Variants in LRRC7 observed in about 807,000 individuals in gnomAD.
LRRC7 encodes leucine-rich repeat-containing protein 7.
Under a neutral mutation model 175.7 loss-of-function variants are expected in LRRC7, and 23 were observed. That is an observed-to-expected ratio of 0.13 (90% CI 0.09 to 0.19). LRRC7 has a LOEUF of 0.19. Among genes scored for constraint, LRRC7 ranks in the 10% least tolerant of loss-of-function variants. The pLI is 1.00. For synonymous variants in LRRC7, 685 were observed against 680.9 expected (o/e 1.01, Z -0.09); for missense variants, 1,354 against 1,904.7 (o/e 0.71, Z 5.38).
At chr1:69,855,320 G>A (rs1207739053) in intron 7 of LRRC7, among the ~76,000 whole-genome samples, 1 of 152,162 alleles carries the variant, frequency 6.6e-6, no homozygotes, top group African/African-American at 2.4e-5. Flanking sequence ...ATTGTGGTAT[G>A]TTGTGTCTTT....
chr1:69,605,675 A>C (rs1024115488), intron 1 of LRRC7, among the ~76,000 whole-genome samples: 1 of 152,180 alleles, frequency 6.6e-6, no homozygotes, highest in Admixed American at 6.6e-5. Context: ...CAGGTACTGG[A>C]GCACAGTTCC....
At chr1:70,071,104 G>T (rs1314901990) in intron 23 of LRRC7, among the ~76,000 whole-genome samples, 1 of 152,322 alleles carries the variant, frequency 6.6e-6, no homozygotes, top group Non-Finnish European at 1.5e-5. Flanking sequence ...TTCAGCTGTA[G>T]TGGAGGAGTT....
intron 8 of LRRC7, among the ~76,000 whole-genome samples, chr1:69,938,348 A>G (rs976758494): frequency 4.6e-5 from 7 of 152,162 alleles, no homozygotes; most frequent in Middle Eastern, 3.4e-3. Flanking sequence ...GCACTCTACA[A>G]ATCACCATTT....
intron 7 of LRRC7, among the ~76,000 whole-genome samples, chr1:69,929,754 C>A (rs1647213491): frequency 6.6e-6 from 1 of 152,150 alleles, no homozygotes; most frequent in African/African-American, 2.4e-5. Context: ...TAAAACAAAT[C>A]ATTTCAGAAA....
chr1:69,798,995 G>C (rs1265051284), intron 4 of LRRC7, among the ~76,000 whole-genome samples: 1 of 150,986 alleles, frequency 6.6e-6, no homozygotes, highest in Non-Finnish European at 1.5e-5. Context: ...TTGTTGGCTA[G>C]TTTAGAGTCT....
intron 5 of LRRC7, among the ~76,000 whole-genome samples, chr1:69,828,790 G>C (rs933783886): frequency 3.3e-5 from 5 of 151,830 alleles, no homozygotes; most frequent in African/African-American, 1.2e-4. Flanking sequence ...TGCCTTTCCA[G>C]CTAGAATAGA....
chr1:69,758,175 G>T (rs756766959), intron 2 of LRRC7, among the ~76,000 whole-genome samples: 1 of 151,970 alleles, frequency 6.6e-6, no homozygotes, highest in Non-Finnish European at 1.5e-5. Flanking sequence ...AACATGAAAG[G>T]CATCAATCCT....
intron 1 of LRRC7, among the ~76,000 whole-genome samples, chr1:69,611,880 A>G (rs1297001525): frequency 6.6e-6 from 1 of 152,092 alleles, no homozygotes. Context: ...TCAGCTGGAA[A>G]TGTGCACATC....
intron 1 of LRRC7, among the ~76,000 whole-genome samples, chr1:69,674,598 A>C (rs932996098): frequency 1.3e-5 from 2 of 152,306 alleles, no homozygotes; most frequent in Non-Finnish European, 2.9e-5. Context: ...CTAGAACTTT[A>C]GTTAATTCAT....
chr1:70,098,698 C>A (rs1223008815), intron 25 of LRRC7, among the ~76,000 whole-genome samples: 3 of 151,782 alleles, frequency 2.0e-5, no homozygotes. Context: ...AACACCTCTA[C>A]GCAAATAAAC....
At chr1:69,574,779 A>G (rs372790657) in intron 1 of LRRC7, among the ~76,000 whole-genome samples, 40 of 152,264 alleles carry the variant, frequency 2.6e-4, no homozygotes, top group African/African-American at 9.6e-4. Flanking sequence ...ACATATTTTG[A>G]GCACTCATAA....
intron 8 of LRRC7, among the ~76,000 whole-genome samples, chr1:69,960,145 C>T (rs868621132): frequency 5.3e-5 from 8 of 152,008 alleles, no homozygotes; most frequent in South Asian, 2.1e-4. Context: ...CTATTTATTA[C>T]TGTCTCAATT....
intron 3 of LRRC7, among the ~76,000 whole-genome samples, chr1:69,777,800 C>T (rs773322648): frequency 1.3e-5 from 2 of 152,220 alleles, no homozygotes; most frequent in Non-Finnish European, 2.9e-5. Context: ...CATCTCACAG[C>T]TGACTAATGG....
intron 2 of LRRC7, among the ~76,000 whole-genome samples, chr1:69,692,515 C>A (rs1220128233): frequency 2.6e-5 from 4 of 152,058 alleles, no homozygotes; most frequent in African/African-American, 9.7e-5. Context: ...TTTCGTGGGT[C>A]CTTCTGAGAT....
At chr1:69,600,800 CTTTTTTTTT>C (rs59212223) in intron 1 of LRRC7, among the ~76,000 whole-genome samples, 2 of 64,896 alleles carry the variant, frequency 3.1e-5, no homozygotes, top group Non-Finnish European at 5.5e-5. Flanking sequence ...TCTCTGGTTT[CTTTTTTTTT>C]TTTTTTTTTT....
intron 2 of LRRC7, among the ~76,000 whole-genome samples, chr1:69,741,981 T>C (rs1388801546): frequency 1.3e-5 from 2 of 151,940 alleles, no homozygotes; most frequent in African/African-American, 4.8e-5. Flanking sequence ...ATTCAGAAAG[T>C]GGCACTGAGA....
chr1:69,916,987 T>C (rs1417518663), intron 7 of LRRC7, among the ~76,000 whole-genome samples: 1 of 152,112 alleles, frequency 6.6e-6, no homozygotes, highest in Non-Finnish European at 1.5e-5. Context: ...TGAGAAGATT[T>C]ACAGGAATAA....
chr1:70,018,398 T>C (rs1657147866), intron 14 of LRRC7, among the ~76,000 whole-genome samples: 1 of 152,080 alleles, frequency 6.6e-6, no homozygotes, highest in African/African-American at 2.4e-5. Flanking sequence ...AATAGGCATA[T>C]AGAACTGTAC....
chr1:70,076,420 AG>A (rs1311728267), intron 24 of LRRC7, 122 bp downstream of exon 24: 6 of 781,004 alleles, frequency 7.7e-6, no homozygotes, highest in Non-Finnish European at 1.2e-5. Flanking sequence ...TGAATGGGGT[AG>A]GGCCCTCTTT....
Sources: gnomAD v4.1 joint callset for allele counts (sites outside exome capture counted in the v4.1 genomes callset) on GRCh38, gnomAD v4.1.1 for gene constraint, MANE v1.5 for transcripts, NCBI Gene and HGNC (gene_info 2026-07-23, HGNC 2026-07-21) for gene names.